Variants in ANKS1B observed in about 807,000 individuals in gnomAD.
ANKS1B encodes the protein ankyrin repeat and sterile alpha motif domain-containing protein 1B.
ANKS1B carries 36 observed loss-of-function variants against 148.3 expected under a neutral mutation model. That is an observed-to-expected ratio of 0.24 (90% CI 0.19 to 0.32). The LOEUF (loss-of-function observed/expected upper bound fraction) is 0.32, where lower values mean the gene tolerates loss of function less well. Among genes scored for constraint, ANKS1B ranks in the 10% least tolerant of loss-of-function variants. The probability of loss-of-function intolerance (pLI) is 1.00; values close to 1 mark genes in which losing one functional copy is unlikely to be tolerated. For missense variants in ANKS1B, 1,157 were observed against 1,542.6 expected, an observed-to-expected ratio of 0.75 and a Z score of 4.19; for synonymous variants, 542 against 560.8, an observed-to-expected ratio of 0.97 and a Z score of 0.47.
At position 99,880,682 on chromosome 12, in the gene ANKS1B, C is replaced by T. The variant is rs2092424118; in HGVS notation, c.135-55293G>A. Among the ~76,000 whole-genome samples the T allele has an allele frequency of 3.3e-5, 5 of 152,232 alleles. No individual in the cohort carries two copies. In the South Asian group the frequency reaches 1.0e-3, roughly 32 times the overall value. ...ATAAAAATATCATGCAGTTTTTAGG[C>T]CTATTGCTCCCAAATCATTCACTCT... On this transcript the variant is annotated intron_variant, in intron 1 of 26. Coordinates refer to ENST00000683438, the MANE Select transcript of ANKS1B (RefSeq NM_001352186.2).
intron 8 of ANKS1B, among the ~76,000 whole-genome samples, chr12:99,661,661 C>A (rs565277123): frequency 6.6e-6 from 1 of 152,144 alleles, no homozygotes; most frequent in African/African-American, 2.4e-5. Context: ...TTTTCTCTGG[C>A]AAAGACTATT....
At chr12:99,212,922 A>T (rs946851976) in intron 14 of ANKS1B, among the ~76,000 whole-genome samples, 3 of 152,210 alleles carry the variant, frequency 2.0e-5, no homozygotes, top group Admixed American at 2.0e-4. Flanking sequence ...TCTCATTTTT[A>T]GAGGAAACAA....
At chr12:99,368,986 T>C (rs1050968511) in intron 12 of ANKS1B, among the ~76,000 whole-genome samples, 2 of 152,192 alleles carry the variant, frequency 1.3e-5, no homozygotes, top group African/African-American at 4.8e-5. Context: ...TCAAGGATCA[T>C]CAAAGAATGA....
intron 8 of ANKS1B, among the ~76,000 whole-genome samples, chr12:99,748,886 T>C (rs1451475238): frequency 6.6e-6 from 1 of 152,136 alleles, no homozygotes; most frequent in Non-Finnish European, 1.5e-5. Flanking sequence ...TGTTTCCTAG[T>C]TACATTACTT....
At chr12:99,233,499 A>G (rs752788981) in intron 14 of ANKS1B, among the ~76,000 whole-genome samples, 2 of 152,148 alleles carry the variant, frequency 1.3e-5, no homozygotes, top group Non-Finnish European at 1.5e-5. Flanking sequence ...TTTGCTGAAG[A>G]ACAGGGTGTT....
At chr12:99,677,334 G>A (rs1567623012) in intron 8 of ANKS1B, among the ~76,000 whole-genome samples, 2 of 151,672 alleles carry the variant, frequency 1.3e-5, no homozygotes, top group Non-Finnish European at 1.5e-5. Flanking sequence ...CAAACTGTTT[G>A]TTTTTTTATT....
intron 9 of ANKS1B, among the ~76,000 whole-genome samples, chr12:99,514,500 C>T (rs2096796454): frequency 6.6e-6 from 1 of 151,930 alleles, no homozygotes; most frequent in African/African-American, 2.4e-5. Context: ...TTTTATTTGC[C>T]CAGATGATTC....
At chr12:98,898,738 A>C (rs1250452544) in intron 17 of ANKS1B, among the ~76,000 whole-genome samples, 1 of 152,326 alleles carries the variant, frequency 6.6e-6, no homozygotes, top group Non-Finnish European at 1.5e-5. Context: ...ATTTATGTGG[A>C]GTGTATCTAA....
intron 14 of ANKS1B, among the ~76,000 whole-genome samples, chr12:99,238,201 T>C (rs1407770194): frequency 1.3e-5 from 2 of 152,234 alleles, no homozygotes; most frequent in Non-Finnish European, 2.9e-5. Context: ...GATCAAATAC[T>C]GCACTTTTCC....
chr12:98,802,594 CTTTTTTTTTTTTTTTT>C (rs397850118), intron 20 of ANKS1B, among the ~76,000 whole-genome samples: 55 of 34,792 alleles, frequency 1.6e-3, no homozygotes, highest in African/African-American at 4.9e-3. Flanking sequence ...AATGCACAGG[CTTTTTTTTTTTTTTTT>C]TTTTTTTTTT....
In ANKS1B at chr12:99,472,907, A is replaced by G. The variant is rs750683559; in HGVS notation, c.1439-29098T>C. On this transcript the variant is annotated intron_variant, in intron 10 of 26. Coordinates refer to ENST00000683438, the MANE Select transcript of ANKS1B (RefSeq NM_001352186.2). Reference sequence around the variant, plus strand: ...TTATAAAGCTCACCTCTGGCTGGAGAGATTATGGATTAATTTTTTAAAATA... The same window carrying G: ...TTATAAAGCTCACCTCTGGCTGGAGGGATTATGGATTAATTTTTTAAAATA... Among the ~76,000 whole-genome samples the G allele has an allele frequency of 6.4e-4, 97 of 152,210 alleles. No individual in the cohort carries two copies. The Middle Eastern group carries it at 0.01, about 16-fold the overall frequency.
intron 1 of ANKS1B, among the ~76,000 whole-genome samples, chr12:99,924,315 G>A (rs2094434914): frequency 9.0e-6 from 1 of 111,626 alleles, no homozygotes; most frequent in Non-Finnish European, 2.0e-5. Flanking sequence ...ATTCAACACT[G>A]GAAGCATGTA....
chr12:99,756,257 A>C (rs1226710503), intron 8 of ANKS1B, among the ~76,000 whole-genome samples: 1 of 152,170 alleles, frequency 6.6e-6, no homozygotes. Context: ...TCAAGATACA[A>C]AACCAATGTG....
intron 17 of ANKS1B, among the ~76,000 whole-genome samples, chr12:99,003,147 T>C (rs771283844): frequency 6.6e-6 from 1 of 152,194 alleles, no homozygotes; most frequent in Non-Finnish European, 1.5e-5. Context: ...TGATCATATA[T>C]ACGTGGGTCT....
chr12:98,790,147 T>C (rs1237439482), intron 22 of ANKS1B, among the ~76,000 whole-genome samples: 2 of 152,132 alleles, frequency 1.3e-5, no homozygotes, highest in Non-Finnish European at 2.9e-5. Flanking sequence ...AAAAACACAC[T>C]GTTTGAATCT....
intron 8 of ANKS1B, among the ~76,000 whole-genome samples, chr12:99,665,774 A>G (rs926141373): frequency 6.6e-6 from 1 of 152,188 alleles, no homozygotes; most frequent in Non-Finnish European, 1.5e-5. Flanking sequence ...CCTTAGCGTG[A>G]GCCAAGTTTC....
intron 8 of ANKS1B, among the ~76,000 whole-genome samples, chr12:99,668,225 A>T (rs983479113): frequency 3.4e-5 from 5 of 146,990 alleles, no homozygotes; most frequent in African/African-American, 5.1e-5. Context: ...GGTCTTTCAA[A>T]TAATTCTTCC....
chr12:99,302,452 G>T (rs2154021139), intron 12 of ANKS1B, among the ~76,000 whole-genome samples: 1 of 152,164 alleles, frequency 6.6e-6, no homozygotes, highest in East Asian at 1.9e-4. Flanking sequence ...CTCAATGAAA[G>T]GAAATGTTTT....
At chr12:99,070,035 A>C (rs1485229086) in intron 16 of ANKS1B, among the ~76,000 whole-genome samples, 1 of 152,210 alleles carries the variant, frequency 6.6e-6, no homozygotes, top group Non-Finnish European at 1.5e-5. Context: ...TTGAGATTTA[A>C]ATGTGTTAAT....
Sources: allele counts gnomAD v4.1 joint callset (sites outside exome capture counted in the v4.1 genomes callset), GRCh38; gene constraint gnomAD v4.1.1; transcripts MANE v1.5; gene names NCBI Gene and HGNC (gene_info 2026-07-23, HGNC 2026-07-21).